Variants in BTBD16 observed in about 807,000 individuals in gnomAD.
The protein encoded by BTBD16 is BTB/POZ domain-containing protein 16.
BTBD16 carries 66 observed loss-of-function variants against 67.4 expected under a neutral mutation model. That is an observed-to-expected ratio of 0.98 (90% CI 0.80 to 1.20). BTBD16 has a LOEUF of 1.20. Ranked by LOEUF, BTBD16 falls within the 50% of genes most tolerant of loss-of-function variation. BTBD16 has a pLI of 0.00. For missense variants in BTBD16, 634 were observed against 616.0 expected, an observed-to-expected ratio of 1.03 and a Z score of -0.31; for synonymous variants, 242 against 236.4, an observed-to-expected ratio of 1.02 and a Z score of -0.22.
At chr10:122,336,465 C>T (rs1205125331) in intron 14 of BTBD16, 29 bp from the exon 15 acceptor site, 1 of 1,563,968 alleles carries the variant, frequency 6.4e-7, no homozygotes, top group Non-Finnish European at 8.7e-7. Context: ...GATTGCAGTT[C>T]CACCTAAGGT....
chr10:122,327,578 C>T (rs2096447407), intron 10 of BTBD16: 1 of 985,096 alleles, frequency 1.0e-6, no homozygotes, highest in Non-Finnish European at 1.2e-6. Flanking sequence ...CCTCGGGGGT[C>T]CCAGCTTGGT....
At chr10:122,278,120 A>T (rs1030787590) in intron 3 of BTBD16, among the ~76,000 whole-genome samples, 1 of 152,194 alleles carries the variant, frequency 6.6e-6, no homozygotes, top group African/African-American at 2.4e-5. Flanking sequence ...TCGGCCAGGG[A>T]TGCAGGTGCT....
intron 10 of BTBD16, among the ~76,000 whole-genome samples, chr10:122,324,723 C>G (rs1200659832): frequency 6.6e-6 from 1 of 152,204 alleles, no homozygotes; most frequent in African/African-American, 2.4e-5. Flanking sequence ...GAGGTGATGA[C>G]TCTGCTCCCC....
intron 9 of BTBD16, among the ~76,000 whole-genome samples, chr10:122,304,779 T>C (rs1004469922): frequency 7.9e-5 from 12 of 152,094 alleles, no homozygotes; most frequent in Non-Finnish European, 1.5e-4. Context: ...GGTCTTGATC[T>C]CCTGACCTCG....
chr10:122,285,049 A>G (rs1359064039), intron 4 of BTBD16, among the ~76,000 whole-genome samples: 1 of 152,210 alleles, frequency 6.6e-6, no homozygotes, highest in African/African-American at 2.4e-5. Flanking sequence ...ACTAAACAAT[A>G]TCATAACATG....
At chr10:122,326,102 C>A (rs1248150439) in intron 10 of BTBD16, among the ~76,000 whole-genome samples, 1 of 150,582 alleles carries the variant, frequency 6.6e-6, no homozygotes, top group Non-Finnish European at 1.5e-5. Flanking sequence ...GTATTTTTTT[C>A]AAACGTTGTC....
chr10:122,316,228 T>C (rs1195080017), intron 10 of BTBD16, among the ~76,000 whole-genome samples: 1 of 152,136 alleles, frequency 6.6e-6, no homozygotes, highest in African/African-American at 2.4e-5. Flanking sequence ...GATTGTGCTA[T>C]TGCATTCCAG....
chr10:122,297,992 T>G (rs13376815), intron 8 of BTBD16, among the ~76,000 whole-genome samples, 155 bp downstream of exon 8: 4,319 of 149,628 alleles, frequency 0.029, 175 homozygotes, highest in African/African-American at 0.098. Context: ...ATTTGTGTGT[T>G]TTTTTTTTTA....
At chr10:122,285,644 G>A (rs956795414) in intron 4 of BTBD16, among the ~76,000 whole-genome samples, 10 of 152,122 alleles carry the variant, frequency 6.6e-5, no homozygotes, top group Non-Finnish European at 1.2e-4. Flanking sequence ...GGCTGCTACT[G>A]GGGATCCACA....
intron 10 of BTBD16, among the ~76,000 whole-genome samples, chr10:122,322,172 T>C (rs774406106): frequency 3.9e-5 from 6 of 152,222 alleles, no homozygotes; most frequent in Non-Finnish European, 8.8e-5. Context: ...ATTTTTCAAT[T>C]GTATGTTTTC....
At chr10:122,303,865 A>T (rs1259395404) in intron 9 of BTBD16, among the ~76,000 whole-genome samples, 1 of 152,206 alleles carries the variant, frequency 6.6e-6, no homozygotes, top group African/African-American at 2.4e-5. Flanking sequence ...TGGTGTGGTT[A>T]TCTGTTGCAC....
intron 6 of BTBD16, among the ~76,000 whole-genome samples, chr10:122,290,722 A>G (rs1411001884): frequency 1.3e-5 from 2 of 152,162 alleles, no homozygotes; most frequent in African/African-American, 4.8e-5. Context: ...GTCTCCAGAA[A>G]AAAAAAATAC....
At chr10:122,331,075 C>G in intron 11 of BTBD16, 101 bp from the exon 12 acceptor site, 2 of 1,481,778 alleles carry the variant, frequency 1.3e-6, no homozygotes, top group Non-Finnish European at 1.8e-6. Context: ...CCTTTCCCTT[C>G]CCTCAGCTCC....
intron 10 of BTBD16, among the ~76,000 whole-genome samples, chr10:122,309,305 A>G (rs1234100227): frequency 6.6e-6 from 1 of 150,796 alleles, no homozygotes; most frequent in Admixed American, 6.6e-5. Context: ...TTTTAAAATT[A>G]TTACTATTAT....
intron 10 of BTBD16, among the ~76,000 whole-genome samples, chr10:122,322,576 C>T (rs548455856): frequency 1.3e-5 from 2 of 152,264 alleles, no homozygotes; most frequent in Non-Finnish European, 2.9e-5. Flanking sequence ...TCTGGTTCAC[C>T]TAGCTAGAGA....
rs200369260 is a variant in BTBD16 at position 122,299,159 on chromosome 10, G to A, written c.791+25G>A. ...GGTCAGAGCTGGCTCCCAGGGTGCG[G>A]CCCCTGAGAGGGGGATGGGAGAAAG... On this transcript the variant is annotated intron_variant, in intron 9 of 15. Transcript: ENST00000260723. 3.7e-6 allele frequency: 6 copies of A among 1,610,704 alleles called. No homozygotes were observed. In the Admixed American group the frequency reaches 6.7e-5, roughly 18 times the overall value.
intron 3 of BTBD16, among the ~76,000 whole-genome samples, chr10:122,282,932 A>C (rs2096356025): frequency 1.3e-5 from 2 of 152,138 alleles, no homozygotes; most frequent in South Asian, 2.1e-4. Flanking sequence ...CGAGGAGGAG[A>C]GCATTTGGGA....
At chr10:122,332,639 C>T in intron 13 of BTBD16, 126 bp downstream of exon 13, 1 of 1,067,892 alleles carries the variant, frequency 9.4e-7, no homozygotes, top group Non-Finnish European at 1.3e-6. Context: ...GAAGAGAGAA[C>T]CACAGGTGTC....
intron 10 of BTBD16, among the ~76,000 whole-genome samples, chr10:122,326,637 A>G (rs913208457): frequency 2.0e-5 from 3 of 152,156 alleles, no homozygotes; most frequent in Non-Finnish European, 4.4e-5. Context: ...ATATGTACCC[A>G]TCAGAGGGAG....
Sources: allele counts gnomAD v4.1 joint callset (sites outside exome capture counted in the v4.1 genomes callset), GRCh38; gene constraint gnomAD v4.1.1; transcripts MANE v1.5; gene names NCBI Gene and HGNC (gene_info 2026-07-23, HGNC 2026-07-21).